The following DTL variants were observed in gnomAD, a reference collection of about 807,000 sequenced individuals.
DTL encodes denticleless protein homolog.
In DTL, 46 loss-of-function variants were observed where a neutral mutation model predicts 87.0. The ratio of observed to expected loss-of-function variants is 0.53; its 90% CI spans 0.42 to 0.68. The LOEUF is 0.68. Among genes scored for constraint, DTL ranks in the 30% least tolerant of loss-of-function variants. The pLI, the probability that DTL is intolerant of heterozygous loss-of-function variation, is 0.00. For missense variants in DTL, 737 were observed against 869.4 expected, an observed-to-expected ratio of 0.85 and a Z score of 1.91; for synonymous variants, 308 against 311.2, an observed-to-expected ratio of 0.99 and a Z score of 0.11.
intron 13 of DTL, among the ~76,000 whole-genome samples, chr1:212,086,458 T>C (rs1655133750): frequency 6.6e-6 from 1 of 152,244 alleles, no homozygotes; most frequent in Non-Finnish European, 1.5e-5. Context: ...AACAGAACCA[T>C]AGTTGTACTG....
chr1:212,051,435 T>C (rs1307752325), intron 5 of DTL: 1 of 467,530 alleles, frequency 2.1e-6, no homozygotes, highest in Admixed American at 4.0e-5. Context: ...TTGTTGGATA[T>C]GAAATTCTTT....
At chr1:212,091,463 A>C (rs964500915) in intron 13 of DTL, among the ~76,000 whole-genome samples, 1 of 152,218 alleles carries the variant, frequency 6.6e-6, no homozygotes, top group African/African-American at 2.4e-5. Flanking sequence ...ATATCAAAAA[A>C]AGTGATCGCA....
intron 5 of DTL, among the ~76,000 whole-genome samples, chr1:212,048,626 T>TA (rs1418292626): frequency 6.6e-6 from 1 of 152,250 alleles, no homozygotes; most frequent in Admixed American, 6.5e-5. Context: ...GGGAAAAACT[T>TA]ATCAGTGGTG....
At chr1:212,088,958 C>T (rs554969410) in intron 13 of DTL, among the ~76,000 whole-genome samples, 3 of 152,158 alleles carry the variant, frequency 2.0e-5, no homozygotes, top group Admixed American at 6.5e-5. Context: ...TGGTGGCACA[C>T]GCCTGTAATC....
Position 212,100,224 on chromosome 1 carries a change from A to T in DTL, c.1262-28A>T, listed in dbSNP as rs373790167. Reference sequence around the variant, plus strand: ...GGACTTTGTATGGCTTTCACTTCTGATCTTCATGATCCTCTCCTCTTTTTC... The same window carrying T: ...GGACTTTGTATGGCTTTCACTTCTGTTCTTCATGATCCTCTCCTCTTTTTC... On this transcript the variant is annotated intron_variant, in intron 13 of 14. Coordinates refer to ENST00000366991, the MANE Select transcript of DTL (RefSeq NM_016448.4). The T allele has an allele frequency of 3.0e-5, 44 of 1,479,590 alleles. No individual in the cohort carries two copies. The African/African-American group carries it at 5.9e-4, about 20-fold the overall frequency. 91.7% of individuals were successfully genotyped at this position (1,479,590 alleles called of 1,614,324 possible). A position where few individuals can be genotyped will look rare whatever the true frequency, so the allele number is the denominator to read the frequency against.
At chr1:212,064,256 G>A (rs1054481758) in intron 6 of DTL, among the ~76,000 whole-genome samples, 2 of 152,084 alleles carry the variant, frequency 1.3e-5, no homozygotes, top group East Asian at 3.8e-4. Context: ...TGAGCAGAAA[G>A]TACAGAGAGT....
At chr1:212,044,832 A>G (rs566789175) in intron 3 of DTL, 74 bp downstream of exon 3, 1 of 883,958 alleles carries the variant, frequency 1.1e-6, no homozygotes, top group South Asian at 1.5e-5. Flanking sequence ...TATTATTTGA[A>G]CACATTCTGT....
chr1:212,098,828 C>T (rs1306775362), intron 13 of DTL, among the ~76,000 whole-genome samples: 4 of 151,790 alleles, frequency 2.6e-5, no homozygotes, highest in African/African-American at 7.3e-5. Flanking sequence ...CAAAACTCCC[C>T]GCCGAGAAAG....
intron 13 of DTL, among the ~76,000 whole-genome samples, chr1:212,094,982 G>C (rs1442815557): frequency 6.6e-6 from 1 of 152,128 alleles, no homozygotes; most frequent in African/African-American, 2.4e-5. Context: ...AGATCTAGGA[G>C]CTTTTTGGAT....
Position 212,061,478 on chromosome 1 carries a change from T to C in DTL, c.461-1406T>C, listed in dbSNP as rs116295231. 4.0e-3 allele frequency among the ~76,000 whole-genome samples: 536 copies of C among 134,070 alleles called. 2 individuals are homozygous for C. Among genetic ancestry groups the C allele is most frequent in the African/African-American group, 0.014 (514 of 35,972 alleles). The allele number at this position is 134,070 out of a possible 152,430, so 88.0% of individuals were successfully genotyped here. Reference sequence around the variant, plus strand: ...GAAATGTAAATTAGTCCAGTCACTATGGAAAACAGTAAGATTTCTCAAAAA... The same window carrying C: ...GAAATGTAAATTAGTCCAGTCACTACGGAAAACAGTAAGATTTCTCAAAAA... On this transcript the variant is annotated intron_variant, in intron 5 of 14. Transcript: ENST00000366991.
intron 5 of DTL, among the ~76,000 whole-genome samples, chr1:212,049,491 C>T (rs1461526141): frequency 6.6e-6 from 1 of 152,144 alleles, no homozygotes; most frequent in Non-Finnish European, 1.5e-5. Flanking sequence ...TTAATTTTTA[C>T]AACTCTGCAT....
Position 212,103,030 on chromosome 1 carries a change from C to T in DTL, c.*90C>T, listed in dbSNP as rs1053579509. The T allele has an allele frequency of 4.5e-6, 3 of 666,796 alleles. No homozygotes were observed. The African/African-American group carries it at 5.6e-5, about 12-fold the overall frequency. 41.3% of individuals were successfully genotyped at this position (666,796 alleles called of 1,614,324 possible). On this transcript the variant is annotated 3_prime_UTR_variant, in exon 15 of 15. Transcript: ENST00000366991. Reference sequence around the variant, plus strand: ...AACAAGATGAAAAATACAAGAGTGACTCTATAACTCTGGTCTTTAAGAAAG... The same window carrying T: ...AACAAGATGAAAAATACAAGAGTGATTCTATAACTCTGGTCTTTAAGAAAG...
intron 11 of DTL, 62 bp from the exon 12 acceptor site, chr1:212,078,111 A>C: frequency 1.0e-6 from 1 of 988,558 alleles, no homozygotes; most frequent in Non-Finnish European, 1.6e-6. Context: ...TCTGAATTCA[A>C]AGGCCTCTAT....
At chr1:212,090,330 A>G (rs999962365) in intron 13 of DTL, among the ~76,000 whole-genome samples, 2 of 152,254 alleles carry the variant, frequency 1.3e-5, no homozygotes, top group African/African-American at 4.8e-5. Context: ...TTAACTGACT[A>G]AAGTGAGTAC....
chr1:212,073,052 AC>A (rs1654724426), intron 11 of DTL, among the ~76,000 whole-genome samples: 1 of 152,182 alleles, frequency 6.6e-6, no homozygotes. Context: ...GGCATGAGCC[AC>A]CATGCCTGGC....
At position 212,103,147 on chromosome 1, in the gene DTL, T is replaced by G; in HGVS notation, c.*207T>G. On this transcript the variant is annotated 3_prime_UTR_variant, in exon 15 of 15. Transcript: ENST00000366991. ...TAATGTATATGCAGCTTCCCGAGGATGAATGCTGTGTTTAAATTTCATAAA... is the reference window on the plus strand; with the variant it reads ...TAATGTATATGCAGCTTCCCGAGGAGGAATGCTGTGTTTAAATTTCATAAA... The G allele has an allele frequency of 2.9e-6, 1 of 341,140 alleles. No individual in the cohort carries two copies. The highest frequency in any genetic ancestry group is 5.3e-6 in the Non-Finnish European group (1 of 189,694). 21.1% of individuals were successfully genotyped at this position (341,140 alleles called of 1,614,324 possible). A position where few individuals can be genotyped will look rare whatever the true frequency, so the allele number is the denominator to read the frequency against.
At chr1:212,071,658 G>C (rs1053095432) in intron 10 of DTL, among the ~76,000 whole-genome samples, 1 of 152,056 alleles carries the variant, frequency 6.6e-6, no homozygotes, top group African/African-American at 2.4e-5. Context: ...ATAAAGTCTA[G>C]TGAGGAAAAA....
At chr1:212,099,088 G>A (rs61830761) in intron 13 of DTL, among the ~76,000 whole-genome samples, 46,016 of 152,054 alleles carry the variant, frequency 0.3, 8,777 homozygotes, top group Middle Eastern at 0.43. Context: ...TGCCTACAGG[G>A]CTCTTCCTGC....
intron 5 of DTL, among the ~76,000 whole-genome samples, chr1:212,061,536 C>T (rs1654312014): frequency 2.0e-5 from 3 of 151,476 alleles, no homozygotes; most frequent in African/African-American, 7.3e-5. Context: ...ATTGATCTAG[C>T]AGTCTCATTA....
Sources: allele counts gnomAD v4.1 joint callset (sites outside exome capture counted in the v4.1 genomes callset), GRCh38; gene constraint gnomAD v4.1.1; transcripts MANE v1.5; gene names NCBI Gene and HGNC (gene_info 2026-07-23, HGNC 2026-07-21).